SLC9A4: variants seen among roughly 807,000 people sequenced by gnomAD.
SLC9A4 encodes sodium/hydrogen exchanger 4.
SLC9A4 carries 63 observed loss-of-function variants against 67.4 expected under a neutral mutation model. The observed-to-expected ratio is 0.93, with a 90% confidence interval of 0.76 to 1.15. The LOEUF (loss-of-function observed/expected upper bound fraction) is 1.15. Ranked by LOEUF, SLC9A4 falls within the 50% of genes most tolerant of loss-of-function variation. SLC9A4 has a pLI of 0.00. For missense variants in SLC9A4, 1,089 were observed against 987.7 expected (o/e 1.10, Z -1.38); for synonymous variants, 393 against 367.2 (o/e 1.07, Z -0.80).
At position 102,532,462 on chromosome 2, in the gene SLC9A4, G is replaced by A. The variant is rs935740861; in HGVS notation, c.2171G>A (p.Ser724Asn). The A allele has an allele frequency of 6.8e-6, 11 of 1,614,218 alleles. No individual in the cohort carries two copies. The Admixed American group carries it at 1.2e-4, about 17-fold the overall frequency. Residue 724 changes from serine to asparagine, a missense_variant, in exon 12 of 12, where the codon AGC becomes AAC. Ser to Asn is a conservative substitution (Grantham distance 46, BLOSUM62 1). Coordinates refer to ENST00000295269, the MANE Select transcript of SLC9A4 (RefSeq NM_001011552.4). ...KSLHRGRKAF[S>N]FGYQRNTSQE... ...CTACACAGAGGAAGGAAGGCATTCA[G>A]CTTTGGTTATCAAAGAAACACAAGC...
intron 2 of SLC9A4, among the ~76,000 whole-genome samples, chr2:102,493,565 G>A (rs981128637): frequency 2.6e-5 from 4 of 151,764 alleles, no homozygotes; most frequent in Non-Finnish European, 5.9e-5. Flanking sequence ...CCATCCCCAT[G>A]ATTCAATTAC....
intron 2 of SLC9A4, among the ~76,000 whole-genome samples, chr2:102,503,241 A>C (rs2104432487): frequency 6.6e-6 from 1 of 152,366 alleles, no homozygotes; most frequent in South Asian, 2.1e-4. Context: ...AGTGATTGGA[A>C]GTTGTGAGTA....
rs551128379 is a variant in SLC9A4, at chr2:102,487,330, G to A, written c.720+8028G>A. Among the ~76,000 whole-genome samples, 131 of 152,264 alleles carry A rather than the reference G, an allele frequency of 8.6e-4. 1 individual carries two copies. The highest frequency in any genetic ancestry group is 3.0e-3 in the African/African-American group (126 of 41,536). On this transcript the variant is annotated intron_variant, in intron 2 of 11. Coordinates refer to ENST00000295269, the MANE Select transcript of SLC9A4 (RefSeq NM_001011552.4). Reference sequence around the variant, plus strand: ...AGGTGGGAGGACCTGGGAGAAGTGAGGAGCAGATCAGTGCAGGTCCCAGTA... The same window carrying A: ...AGGTGGGAGGACCTGGGAGAAGTGAAGAGCAGATCAGTGCAGGTCCCAGTA...
intron 11 of SLC9A4, among the ~76,000 whole-genome samples, chr2:102,531,675 A>G (rs1573361632): frequency 1.3e-5 from 2 of 152,228 alleles, no homozygotes; most frequent in East Asian, 1.9e-4. Context: ...TGAGGATTCA[A>G]TGGCATGATA....
intron 6 of SLC9A4, among the ~76,000 whole-genome samples, chr2:102,511,632 G>A (rs924779200): frequency 2.6e-5 from 4 of 151,666 alleles, no homozygotes; most frequent in Non-Finnish European, 5.9e-5. Context: ...AAACAATTTG[G>A]GTTAAAACAA....
intron 2 of SLC9A4, among the ~76,000 whole-genome samples, chr2:102,484,709 G>T (rs773196171): frequency 7.4e-4 from 112 of 152,190 alleles, no homozygotes; most frequent in Admixed American, 4.5e-3. Context: ...TGCTGGATAA[G>T]CAACAAAGTG....
intron 2 of SLC9A4, among the ~76,000 whole-genome samples, chr2:102,502,676 TCGACCACCCTC>T (rs1217570415): frequency 6.6e-6 from 1 of 152,106 alleles, no homozygotes; most frequent in Non-Finnish European, 1.5e-5. Flanking sequence ...GGGCAAACAA[TCGACCACCCTC>T]CGGAAGGCAG....
intron 2 of SLC9A4, among the ~76,000 whole-genome samples, chr2:102,498,845 G>T (rs1684863550): frequency 6.6e-6 from 1 of 152,212 alleles, no homozygotes; most frequent in Non-Finnish European, 1.5e-5. Flanking sequence ...TTTGTAAAGT[G>T]TGATTGATAC....
At chr2:102,505,214 A>T (rs1219853013) in intron 3 of SLC9A4, 40 bp from the exon 4 acceptor site, 1 of 1,590,814 alleles carries the variant, frequency 6.3e-7, no homozygotes. Flanking sequence ...GGAGGGGGAA[A>T]ACCTCATGGA....
At position 102,486,462 on chromosome 2, in the gene SLC9A4, C is replaced by T. The variant is rs541129028; in HGVS notation, c.720+7160C>T. On this transcript the variant is annotated intron_variant, in intron 2 of 11. Transcript: ENST00000295269. ...TCTGAACGTTGCAGTCTCAGCTTTTCCTAAAGAAGAGCTGTATGTGCACTT... is the reference window on the plus strand; with the variant it reads ...TCTGAACGTTGCAGTCTCAGCTTTTTCTAAAGAAGAGCTGTATGTGCACTT... Among the ~76,000 whole-genome samples, 64 of 152,274 alleles carry T rather than the reference C, an allele frequency of 4.2e-4. 1 individual carries two copies. The South Asian group carries it at 0.012, about 29-fold the overall frequency.
intron 1 of SLC9A4, among the ~76,000 whole-genome samples, chr2:102,476,628 G>A (rs1684338615): frequency 6.6e-6 from 1 of 151,968 alleles, no homozygotes; most frequent in Non-Finnish European, 1.5e-5. Context: ...TTTACATATT[G>A]AAAAAAGTTA....
In SLC9A4 at chr2:102,532,407, G is replaced by A. The variant is rs752930998; in HGVS notation, c.2116G>A (p.Glu706Lys). The A allele has an allele frequency of 1.6e-5, 26 of 1,614,084 alleles. No homozygotes were observed. Among genetic ancestry groups the A allele is most frequent in the Non-Finnish European group, 2.0e-5 (24 of 1,180,038 alleles). Residue 706 changes from glutamate (E) to lysine (K), a missense_variant, in exon 12 of 12, where the codon GAG becomes AAG. Physicochemically the swap from Glu to Lys is moderately conservative, Grantham distance 56 (BLOSUM62 1). Coordinates refer to ENST00000295269, the MANE Select transcript of SLC9A4 (RefSeq NM_001011552.4). Reference sequence around the variant, plus strand: ...TCGGATAGGGTCACTTCAGAAGCAAGAGGCACAAGAAATAATACCAATGAA... The same window carrying A: ...TCGGATAGGGTCACTTCAGAAGCAAAAGGCACAAGAAATAATACCAATGAA... Reference protein sequence around the residue: ...CSRIGSLQKQEAQEIIPMKSL... With the variant: ...CSRIGSLQKQKAQEIIPMKSL...
intron 8 of SLC9A4, among the ~76,000 whole-genome samples, chr2:102,517,171 TTCA>T (rs1685291487): frequency 6.6e-6 from 1 of 152,202 alleles, no homozygotes; most frequent in African/African-American, 2.4e-5. Flanking sequence ...CCAAATGTTG[TTCA>T]TCTTGGTGAC....
chr2:102,528,425 T>A (rs1008844111), intron 11 of SLC9A4, among the ~76,000 whole-genome samples: 1 of 151,936 alleles, frequency 6.6e-6, no homozygotes, highest in Non-Finnish European at 1.5e-5. Flanking sequence ...TTAATTTAAA[T>A]TTTTTTAGAA....
intron 11 of SLC9A4, among the ~76,000 whole-genome samples, chr2:102,530,580 C>A (rs985680025): frequency 6.6e-6 from 1 of 152,150 alleles, no homozygotes; most frequent in Non-Finnish European, 1.5e-5. Context: ...ATCAGGAAAC[C>A]AAAACAGTGA....
At chr2:102,489,360 C>T (rs1684652810) in intron 2 of SLC9A4, among the ~76,000 whole-genome samples, 1 of 151,960 alleles carries the variant, frequency 6.6e-6, no homozygotes, top group Admixed American at 6.6e-5. Flanking sequence ...AACCTACAGG[C>T]AATTGAAAGA....
At chr2:102,504,945 ACT>A (rs113131224) in intron 3 of SLC9A4, among the ~76,000 whole-genome samples, 106,769 of 151,954 alleles carry the variant, frequency 0.7, 38,206 homozygotes, top group Middle Eastern at 0.77. Flanking sequence ...GGACTGACAA[ACT>A]CTTCATGAAG....
chr2:102,515,259 A>AT (rs1455341898), intron 8 of SLC9A4, among the ~76,000 whole-genome samples: 1 of 151,752 alleles, frequency 6.6e-6, no homozygotes, highest in African/African-American at 2.4e-5. Context: ...ATTTGTCTCT[A>AT]TTGCCTGAGT....
intron 2 of SLC9A4, among the ~76,000 whole-genome samples, chr2:102,501,477 T>G (rs1313732039): frequency 6.6e-6 from 1 of 152,036 alleles, no homozygotes; most frequent in African/African-American, 2.4e-5. Flanking sequence ...ACTTCTGACC[T>G]TAGGTGACCC....
Sources: gnomAD v4.1 joint callset for allele counts (sites outside exome capture counted in the v4.1 genomes callset) on GRCh38, gnomAD v4.1.1 for gene constraint, MANE v1.5 for transcripts, NCBI Gene and HGNC (gene_info 2026-07-23, HGNC 2026-07-21) for gene names.